The following DLG2 variants were observed in gnomAD, a reference collection of about 807,000 sequenced individuals.
DLG2 encodes discs large MAGUK scaffold protein 2.
Under a neutral mutation model 132.5 loss-of-function variants are expected in DLG2, and 45 were observed. That is an observed-to-expected ratio of 0.34 (90% CI 0.27 to 0.44). The LOEUF (loss-of-function observed/expected upper bound fraction) is 0.44, where lower values mean the gene tolerates loss of function less well. DLG2 is among the 20% of genes least tolerant of loss of function. The pLI, the probability that DLG2 is intolerant of heterozygous loss-of-function variation, is 1.00. For synonymous variants in DLG2, 424 were observed against 419.6 expected (o/e 1.01, Z -0.13); for missense variants, 1,045 against 1,196.9 (o/e 0.87, Z 1.87).
chr11:84,140,770 C>A (rs1431135667), intron 9 of DLG2, among the ~76,000 whole-genome samples: 1 of 152,114 alleles, frequency 6.6e-6, no homozygotes, highest in Admixed American at 6.6e-5. Context: ...CCTTTGTTAT[C>A]TGGCTTAGTT....
chr11:83,932,591 G>A (rs1303077529), intron 14 of DLG2, among the ~76,000 whole-genome samples: 1 of 152,122 alleles, frequency 6.6e-6, no homozygotes, highest in Admixed American at 6.5e-5. Flanking sequence ...CATATAGTAT[G>A]TATATTATGT....
chr11:85,002,332 T>C (rs1181439326), intron 6 of DLG2, among the ~76,000 whole-genome samples: 1 of 152,134 alleles, frequency 6.6e-6, no homozygotes, highest in Non-Finnish European at 1.5e-5. Context: ...AAAATGTCAA[T>C]GGCTACAACA....
In DLG2 at chr11:83,675,235, A is replaced by C. The variant is rs1163076877; in HGVS notation, c.1826-41910T>G. On this transcript the variant is annotated intron_variant, in intron 18 of 27. Coordinates refer to ENST00000376104, the MANE Select transcript of DLG2 (RefSeq NM_001142699.3). ...GAACTTATAAATTATATAAACTTTG[A>C]ATTATCCAGAAATCAGAGTGAAGTC... is the stretch of plus-strand genomic sequence containing the variant. 2.0e-5 allele frequency among the ~76,000 whole-genome samples: 3 copies of C among 152,226 alleles called. No homozygotes were observed. In the East Asian group the frequency reaches 5.8e-4, roughly 29 times the overall value.
intron 18 of DLG2, among the ~76,000 whole-genome samples, chr11:83,752,216 T>C (rs530725704): frequency 6.7e-6 from 1 of 149,902 alleles, no homozygotes; most frequent in African/African-American, 2.5e-5. Context: ...TGCAGTGAGC[T>C]GAGATGGTGC....
At chr11:84,340,806 T>C (rs1212967348) in intron 7 of DLG2, among the ~76,000 whole-genome samples, 1 of 143,040 alleles carries the variant, frequency 7.0e-6, no homozygotes, top group Non-Finnish European at 1.5e-5. Flanking sequence ...CAAAATAAAA[T>C]CAAAAGTATG....
chr11:83,507,499 A>C (rs2094771132), intron 21 of DLG2, among the ~76,000 whole-genome samples: 1 of 146,526 alleles, frequency 6.8e-6, no homozygotes, highest in African/African-American at 2.5e-5. Flanking sequence ...ATATACACAT[A>C]TATATCCTCT....
At chr11:84,012,095 G>A (rs900087510) in intron 11 of DLG2, among the ~76,000 whole-genome samples, 5 of 152,044 alleles carry the variant, frequency 3.3e-5, no homozygotes, top group Admixed American at 3.3e-4. Flanking sequence ...AGATTTCCTA[G>A]CATTTAAATG....
intron 3 of DLG2, among the ~76,000 whole-genome samples, chr11:85,364,787 A>C (rs890851980): frequency 1.3e-5 from 2 of 152,226 alleles, no homozygotes; most frequent in African/African-American, 4.8e-5. Context: ...ATGTGATTTC[A>C]GATAGATTTT....
chr11:84,279,744 T>C (rs1377360317), intron 7 of DLG2, among the ~76,000 whole-genome samples: 1 of 152,038 alleles, frequency 6.6e-6, no homozygotes, highest in Admixed American at 6.5e-5. Flanking sequence ...CACTCATAAG[T>C]AGGAGTTGAA....
chr11:84,040,133 T>C lies in DLG2; in HGVS notation c.919+19182A>G, dbSNP rs925709789. ...TTCTGGATATTAGCCCTTTGTCAGATGAGTAGGTTGTGAAAATTTTCTCCC... is the reference window on the plus strand; with the variant it reads ...TTCTGGATATTAGCCCTTTGTCAGACGAGTAGGTTGTGAAAATTTTCTCCC... On this transcript the variant is annotated intron_variant, in intron 11 of 27. Transcript: ENST00000376104. Among the ~76,000 whole-genome samples, 104 of 151,112 alleles carry C rather than the reference T, an allele frequency of 6.9e-4. 1 individual carries two copies. The highest frequency in any genetic ancestry group is 3.4e-3 in the Admixed American group (52 of 15,190).
At chr11:85,388,219 C>G (rs921921586) in intron 3 of DLG2, among the ~76,000 whole-genome samples, 11 of 152,112 alleles carry the variant, frequency 7.2e-5, no homozygotes, top group African/African-American at 2.7e-4. Flanking sequence ...TGTGACCCAG[C>G]AGAGACAGCC....
chr11:84,095,018 T>C (rs1279381211), intron 10 of DLG2, among the ~76,000 whole-genome samples: 1 of 152,018 alleles, frequency 6.6e-6, no homozygotes, highest in African/African-American at 2.4e-5. Context: ...TTTTGCACCA[T>C]ACCTATTTTT....
At chr11:84,802,087 T>G (rs967347066) in intron 6 of DLG2, among the ~76,000 whole-genome samples, 4 of 151,126 alleles carry the variant, frequency 2.6e-5, no homozygotes, top group African/African-American at 9.8e-5. Context: ...GAAGCACAGC[T>G]TACTTTTAGT....
chr11:84,313,687 A>AAGAAAGAG (rs760229361), intron 7 of DLG2, among the ~76,000 whole-genome samples: 7 of 141,384 alleles, frequency 5.0e-5, no homozygotes, highest in African/African-American at 1.0e-4. Flanking sequence ...GAAAGAAAGA[A>AAGAAAGAG]AAAGAAAGAG....
At chr11:85,549,483 C>A (rs2076536001) in intron 3 of DLG2, among the ~76,000 whole-genome samples, 1 of 152,120 alleles carries the variant, frequency 6.6e-6, no homozygotes, top group African/African-American at 2.4e-5. Flanking sequence ...AAATATTTCC[C>A]AATACAATTG....
chr11:84,469,582 C>T (rs1473288307), intron 7 of DLG2, among the ~76,000 whole-genome samples: 1 of 151,552 alleles, frequency 6.6e-6, no homozygotes, highest in African/African-American at 2.4e-5. Flanking sequence ...AGTAAATCAA[C>T]ATTACTATCA....
At chr11:85,486,428 C>A (rs1164436252) in intron 3 of DLG2, among the ~76,000 whole-genome samples, 2 of 152,234 alleles carry the variant, frequency 1.3e-5, no homozygotes, top group Non-Finnish European at 2.9e-5. Context: ...CTATTTCAGC[C>A]AGTGCCTAAA....
intron 6 of DLG2, among the ~76,000 whole-genome samples, chr11:85,002,971 G>C (rs866756970): frequency 1.3e-5 from 2 of 151,818 alleles, no homozygotes; most frequent in South Asian, 4.2e-4. Context: ...TATGGTATAT[G>C]ATATGTATAA....
intron 3 of DLG2, among the ~76,000 whole-genome samples, chr11:85,540,345 G>A (rs2075883548): frequency 6.6e-6 from 1 of 152,200 alleles, no homozygotes; most frequent in South Asian, 2.1e-4. Context: ...GAGAGGAACA[G>A]AGGATCAGAA....
Sources: allele counts gnomAD v4.1 joint callset (sites outside exome capture counted in the v4.1 genomes callset), GRCh38; gene constraint gnomAD v4.1.1; transcripts MANE v1.5; gene names NCBI Gene and HGNC (gene_info 2026-07-23, HGNC 2026-07-21).